The following FAM117B variants were observed in gnomAD, a reference collection of about 807,000 sequenced individuals.
The protein encoded by FAM117B is family with sequence similarity 117 member B.
FAM117B carries 22 observed loss-of-function variants against 52.8 expected under a neutral mutation model. That is an observed-to-expected ratio of 0.42 (90% CI 0.30 to 0.59). The LOEUF (loss-of-function observed/expected upper bound fraction) is 0.59. Ranked by LOEUF, FAM117B falls within the 20% of genes least tolerant of loss-of-function variation. FAM117B has a pLI of 0.22. For missense variants in FAM117B, 678 were observed against 802.6 expected (o/e 0.84, Z 1.88); for synonymous variants, 309 against 324.1 (o/e 0.95, Z 0.50).
At chr2:202,690,205 A>C (rs1420049029) in intron 1 of FAM117B, among the ~76,000 whole-genome samples, 3 of 152,226 alleles carry the variant, frequency 2.0e-5, no homozygotes, top group African/African-American at 7.2e-5. Flanking sequence ...TTAGTTTTTA[A>C]AGAACAAGTC....
At chr2:202,757,533 G>T (rs557687014) in intron 6 of FAM117B, 95 bp downstream of exon 6, 2 of 1,274,328 alleles carry the variant, frequency 1.6e-6, no homozygotes, top group East Asian at 2.5e-5. Flanking sequence ...ACACACACTC[G>T]AGGCTACTCA....
At chr2:202,660,173 T>C (rs1309330761) in intron 1 of FAM117B, among the ~76,000 whole-genome samples, 1 of 152,098 alleles carries the variant, frequency 6.6e-6, no homozygotes, top group Admixed American at 6.6e-5. Flanking sequence ...GAAAGCATGA[T>C]TATAATAGCT....
At chr2:202,763,972 C>G (rs538573301) in intron 7 of FAM117B, among the ~76,000 whole-genome samples, 14 of 152,294 alleles carry the variant, frequency 9.2e-5, no homozygotes, top group Admixed American at 5.2e-4. Flanking sequence ...TTTTATAAAC[C>G]TCTGTAATCA....
At chr2:202,721,399 G>A (rs1691150017) in intron 2 of FAM117B, among the ~76,000 whole-genome samples, 1 of 151,868 alleles carries the variant, frequency 6.6e-6, no homozygotes, top group Non-Finnish European at 1.5e-5. Context: ...TCTATCCTCT[G>A]TTTTACATGA....
chr2:202,747,367 A>G (rs146034723), intron 4 of FAM117B, among the ~76,000 whole-genome samples: 35 of 152,270 alleles, frequency 2.3e-4, no homozygotes, highest in African/African-American at 8.2e-4. Flanking sequence ...GAACTGAAAC[A>G]CGACAAGGGT....
In FAM117B at chr2:202,769,157, G is replaced by A. The variant is rs1692032587; in HGVS notation, c.*3393G>A. On this transcript the variant is annotated 3_prime_UTR_variant, in exon 8 of 8. Transcript: ENST00000392238. Reference sequence around the variant, plus strand: ...TTAGAAGGTGCTCTTGCTAACTGTGGAATATTTGACGACATGAAAGTCCTT... The same window carrying A: ...TTAGAAGGTGCTCTTGCTAACTGTGAAATATTTGACGACATGAAAGTCCTT... The A allele has an allele frequency of 6.6e-6, 1 of 152,270 alleles. No individual in the cohort carries two copies. The highest frequency in any genetic ancestry group is 6.5e-5 in the Admixed American group (1 of 15,288). 9.4% of individuals were successfully genotyped at this position (152,270 alleles called of 1,614,324 possible).
intron 4 of FAM117B, among the ~76,000 whole-genome samples, chr2:202,752,224 G>C (rs1344680476): frequency 1.3e-5 from 2 of 152,090 alleles, no homozygotes; most frequent in Non-Finnish European, 2.9e-5. Flanking sequence ...ACCATACCAG[G>C]TTTCCTGTCA....
intron 2 of FAM117B, among the ~76,000 whole-genome samples, chr2:202,705,703 G>A (rs1690861050): frequency 6.6e-6 from 1 of 152,138 alleles, no homozygotes; most frequent in East Asian, 1.9e-4. Context: ...TCCTTTGCGA[G>A]TTTGCCTTCC....
intron 4 of FAM117B, among the ~76,000 whole-genome samples, chr2:202,728,121 A>G (rs1342672579): frequency 2.0e-5 from 3 of 152,168 alleles, no homozygotes; most frequent in Admixed American, 6.5e-5. Context: ...ATGAGACTAC[A>G]TATGTGCACC....
chr2:202,713,490 G>T (rs957838918), intron 2 of FAM117B, among the ~76,000 whole-genome samples: 5 of 151,738 alleles, frequency 3.3e-5, no homozygotes, highest in Non-Finnish European at 5.9e-5. Context: ...TTGATCTTTT[G>T]TATTGTTGTC....
At chr2:202,674,985 A>G (rs762781279) in intron 1 of FAM117B, among the ~76,000 whole-genome samples, 13 of 152,126 alleles carry the variant, frequency 8.5e-5, no homozygotes, top group Non-Finnish European at 1.5e-4. Context: ...TTGTAATCCC[A>G]GCCCTTTAGG....
At chr2:202,671,269 G>A (rs1323463722) in intron 1 of FAM117B, among the ~76,000 whole-genome samples, 1 of 152,216 alleles carries the variant, frequency 6.6e-6, no homozygotes, top group African/African-American at 2.4e-5. Context: ...TGAAGAAGTA[G>A]GAAAGAGACA....
intron 4 of FAM117B, among the ~76,000 whole-genome samples, chr2:202,735,346 A>T (rs1372059050): frequency 6.6e-6 from 1 of 152,204 alleles, no homozygotes; most frequent in African/African-American, 2.4e-5. Flanking sequence ...TATGCAGAAG[A>T]TGATTTTTAC....
chr2:202,740,708 A>G (rs545295047), intron 4 of FAM117B, among the ~76,000 whole-genome samples: 191 of 152,308 alleles, frequency 1.3e-3, no homozygotes, highest in Non-Finnish European at 2.5e-3. Flanking sequence ...TTTACCTTGC[A>G]GTGAATTTCA....
At chr2:202,684,988 A>C (rs1444531050) in intron 1 of FAM117B, among the ~76,000 whole-genome samples, 1 of 151,502 alleles carries the variant, frequency 6.6e-6, no homozygotes, top group African/African-American at 2.4e-5. Context: ...ATCTCAAAAA[A>C]AATTTTTTTT....
chr2:202,684,890 T>C (rs2105771875), intron 1 of FAM117B, among the ~76,000 whole-genome samples: 1 of 152,296 alleles, frequency 6.6e-6, no homozygotes, highest in African/African-American at 2.4e-5. Flanking sequence ...TGTGACTTTA[T>C]AGAACAAATA....
At chr2:202,675,324 T>C (rs1452210206) in intron 1 of FAM117B, among the ~76,000 whole-genome samples, 2 of 151,392 alleles carry the variant, frequency 1.3e-5, no homozygotes, top group Non-Finnish European at 2.9e-5. Context: ...TGTGCACCTG[T>C]GGTCCCAGCT....
intron 7 of FAM117B, 95 bp from the exon 8 acceptor site, chr2:202,765,351 T>A: frequency 8.0e-7 from 1 of 1,245,614 alleles, no homozygotes; most frequent in Non-Finnish European, 1.1e-6. Context: ...TTAACTGTTT[T>A]TAAAAAATAA....
At chr2:202,731,044 A>G (rs1691336725) in intron 4 of FAM117B, among the ~76,000 whole-genome samples, 1 of 152,112 alleles carries the variant, frequency 6.6e-6, no homozygotes, top group South Asian at 2.1e-4. Flanking sequence ...CAACTCAGTA[A>G]CTCACAAATC....
Sources: gnomAD v4.1 joint callset for allele counts (sites outside exome capture counted in the v4.1 genomes callset) on GRCh38, gnomAD v4.1.1 for gene constraint, MANE v1.5 for transcripts, NCBI Gene and HGNC (gene_info 2026-07-23, HGNC 2026-07-21) for gene names.